MINDY3: variants seen among roughly 807,000 people sequenced by gnomAD.
MINDY3 encodes the protein MINDY lysine 48 deubiquitinase 3, also known as ubiquitin carboxyl-terminal hydrolase MINDY-3.
MINDY3 carries 38 observed loss-of-function variants against 69.2 expected under a neutral mutation model. That is an observed-to-expected ratio of 0.55 (90% CI 0.42 to 0.72). The LOEUF (loss-of-function observed/expected upper bound fraction) is 0.72. Among genes scored for constraint, MINDY3 ranks in the 30% least tolerant of loss-of-function variants. The pLI is 0.00. For missense variants in MINDY3, 522 were observed against 519.0 expected (o/e 1.01, Z -0.06); for synonymous variants, 192 against 180.1 (o/e 1.07, Z -0.53).
intron 11 of MINDY3, among the ~76,000 whole-genome samples, chr10:15,790,629 T>C (rs1301150772): frequency 1.3e-5 from 2 of 152,158 alleles, no homozygotes; most frequent in African/African-American, 4.8e-5. Flanking sequence ...TTTCTGTGTT[T>C]ATAGGCTATA....
In MINDY3 at chr10:15,838,292, G is replaced by C; in HGVS notation, c.410-13C>G. 6.3e-7 allele frequency: 1 copy of C among 1,596,652 alleles called. No homozygotes were observed. The highest frequency in any genetic ancestry group is 8.5e-7 in the Non-Finnish European group (1 of 1,173,072). On this transcript the variant is annotated splice_polypyrimidine_tract_variant and intron_variant, in intron 4 of 14. Transcript: ENST00000277632. Reference sequence around the variant, plus strand: ...ACAGCCAAGGCAGCTATACATAAAAGACACTTTTCAGCACTACACATGGCA... The same window carrying C: ...ACAGCCAAGGCAGCTATACATAAAACACACTTTTCAGCACTACACATGGCA...
At chr10:15,796,506 C>G (rs1456689511) in intron 10 of MINDY3, among the ~76,000 whole-genome samples, 1 of 147,208 alleles carries the variant, frequency 6.8e-6, no homozygotes, top group Non-Finnish European at 1.5e-5. Context: ...AAAACAAACA[C>G]AAAAACAAAA....
intron 14 of MINDY3, among the ~76,000 whole-genome samples, chr10:15,781,393 C>T (rs1160594813): frequency 1.4e-5 from 2 of 147,836 alleles, no homozygotes; most frequent in Non-Finnish European, 3.0e-5. Context: ...ATAACTAATA[C>T]ATATATATTA....
At chr10:15,839,705 C>A (rs556404793) in intron 4 of MINDY3, among the ~76,000 whole-genome samples, 1 of 151,262 alleles carries the variant, frequency 6.6e-6, no homozygotes, top group Non-Finnish European at 1.5e-5. Context: ...GATTGTTACA[C>A]GGAATAAAAA....
At chr10:15,781,773 GTTAT>G (rs1836550858) in intron 14 of MINDY3, among the ~76,000 whole-genome samples, 1 of 152,144 alleles carries the variant, frequency 6.6e-6, no homozygotes, top group Non-Finnish European at 1.5e-5. Flanking sequence ...GACTATGAAG[GTTAT>G]TTATTTAAAA....
In MINDY3 at chr10:15,816,282, G is replaced by GAAAAAAAAAAAAAAAA. The variant is rs1421619763; in HGVS notation, c.882+552_882+553insTTTTTTTTTTTTTTTT. On this transcript the variant is annotated intron_variant, in intron 10 of 14. Coordinates refer to ENST00000277632, the MANE Select transcript of MINDY3 (RefSeq NM_024948.4). The stretch of plus-strand genomic sequence containing the variant: ...TCTCAAAAAAAAAAAAAAAAAAAAT[G>GAAAAAAAAAAAAAAAA]AAAAAGAAAAAAAATAAAAAAGACA... Among the ~76,000 whole-genome samples, 24 of 108,496 alleles carry GAAAAAAAAAAAAAAAA rather than the reference G, an allele frequency of 2.2e-4. 1 individual carries two copies. Among genetic ancestry groups the GAAAAAAAAAAAAAAAA allele is most frequent in the African/African-American group, 1.4e-3 (23 of 16,076 alleles). 71.2% of individuals were successfully genotyped at this position (108,496 alleles called of 152,430 possible). A position where few individuals can be genotyped will look rare whatever the true frequency, so the allele number is the denominator to read the frequency against.
chr10:15,825,744 T>C (rs892679235), intron 8 of MINDY3, among the ~76,000 whole-genome samples: 2 of 152,212 alleles, frequency 1.3e-5, no homozygotes, highest in African/African-American at 4.8e-5. Flanking sequence ...GTATACACTG[T>C]AGAATGGCTA....
At chr10:15,818,936 T>C (rs1839562485) in intron 9 of MINDY3, among the ~76,000 whole-genome samples, 1 of 152,144 alleles carries the variant, frequency 6.6e-6, no homozygotes, top group African/African-American at 2.4e-5. Flanking sequence ...CGTGAATATA[T>C]TAAAAAGCCC....
chr10:15,792,913 C>G, intron 11 of MINDY3, among the ~76,000 whole-genome samples: 1 of 151,962 alleles, frequency 6.6e-6, no homozygotes, highest in East Asian at 1.9e-4. Flanking sequence ...AAAAACAACA[C>G]CATGGTTAAT....
intron 3 of MINDY3, 46 bp downstream of exon 3, chr10:15,843,166 T>C (rs897341605): frequency 1.3e-6 from 2 of 1,483,290 alleles, no homozygotes; most frequent in African/African-American, 1.4e-5. Flanking sequence ...ATCATCTCTA[T>C]TAAAACAGAG....
At position 15,837,297 on chromosome 10, in the gene MINDY3, T is replaced by C. The variant is rs1419094460; in HGVS notation, c.483A>G (p.Leu161=). The C allele has an allele frequency of 3.7e-6, 6 of 1,604,298 alleles. No individual in the cohort carries two copies. The highest frequency in any genetic ancestry group is 5.1e-6 in the Non-Finnish European group (6 of 1,175,296). ...CCAAGACAGCATCTTTTAATTCTGG[T>C]AAACTTCTGAACGATCTTTTTCTGG... ...ALIQKRSFRS[L]PELKDAVLDQ... Residue 161 remains leucine (L), a synonymous_variant, in exon 6 of 15, where the codon TTA becomes TTG. Transcript: ENST00000277632.
intron 1 of MINDY3, among the ~76,000 whole-genome samples, chr10:15,854,660 T>A (rs1038486501): frequency 6.6e-6 from 1 of 152,026 alleles, no homozygotes; most frequent in Admixed American, 6.6e-5. Context: ...TTGAGGAAAG[T>A]GTTAATTCCA....
At chr10:15,821,790 T>C (rs1839786052) in intron 8 of MINDY3, 64 bp from the exon 9 acceptor site, 3 of 1,287,420 alleles carry the variant, frequency 2.3e-6, no homozygotes, top group Non-Finnish European at 3.3e-6. Flanking sequence ...TGTATAAATT[T>C]GAAACGTACT....
intron 8 of MINDY3, among the ~76,000 whole-genome samples, chr10:15,827,101 A>T (rs887849683): frequency 6.7e-6 from 1 of 149,162 alleles, no homozygotes; most frequent in South Asian, 2.1e-4. Context: ...TGGGTGACAG[A>T]GCGAGACCCC....
rs186778207 is a variant in MINDY3 at position 15,824,223 on chromosome 10, G to A, written c.731-2497C>T. Among the ~76,000 whole-genome samples the A allele has an allele frequency of 1.4e-4, 21 of 152,226 alleles. No individual in the cohort carries two copies. In the East Asian group the frequency reaches 3.5e-3, roughly 25 times the overall value. Reference sequence around the variant, plus strand: ...CTCCATACTGTTTTCCATAGTGGCTGTACAAGTTTATATTCCCACCAACAG... The same window carrying A: ...CTCCATACTGTTTTCCATAGTGGCTATACAAGTTTATATTCCCACCAACAG... On this transcript the variant is annotated intron_variant, in intron 8 of 14. Coordinates refer to ENST00000277632, the MANE Select transcript of MINDY3 (RefSeq NM_024948.4).
At position 15,800,488 on chromosome 10, in the gene MINDY3, C is replaced by T. The variant is rs75517263; in HGVS notation, c.883-4316G>A. Among the ~76,000 whole-genome samples, 179 of 152,176 alleles carry T rather than the reference C, an allele frequency of 1.2e-3. 3 individuals are homozygous for T. In the East Asian group the frequency reaches 0.031, roughly 27 times the overall value. ...GCACAAGTATGGCGCTAATCATCTC[C>T]GCATGTGCAGCCCATCACTCCAGTG... On this transcript the variant is annotated intron_variant, in intron 10 of 14. Coordinates refer to ENST00000277632, the MANE Select transcript of MINDY3 (RefSeq NM_024948.4).
chr10:15,802,644 A>C (rs1350227982), intron 10 of MINDY3, among the ~76,000 whole-genome samples: 1 of 152,166 alleles, frequency 6.6e-6, no homozygotes, highest in African/African-American at 2.4e-5. Flanking sequence ...AAGTAACTCA[A>C]AACCCTGTAT....
chr10:15,818,970 G>A (rs1266565284), intron 9 of MINDY3, among the ~76,000 whole-genome samples: 1 of 152,122 alleles, frequency 6.6e-6, no homozygotes, highest in Non-Finnish European at 1.5e-5. Flanking sequence ...TTAAAATGGT[G>A]AATCTCCTGG....
chr10:15,808,668 A>G (rs1475042932), intron 10 of MINDY3, among the ~76,000 whole-genome samples: 1 of 152,180 alleles, frequency 6.6e-6, no homozygotes, highest in African/African-American at 2.4e-5. Context: ...CTTTATATGA[A>G]CAGTTCTGTC....
Sources: gnomAD v4.1 joint callset for allele counts (sites outside exome capture counted in the v4.1 genomes callset) on GRCh38, gnomAD v4.1.1 for gene constraint, MANE v1.5 for transcripts, NCBI Gene and HGNC (gene_info 2026-07-23, HGNC 2026-07-21) for gene names.